Variants in PYGO1 observed in about 807,000 individuals in gnomAD.
PYGO1 encodes the protein pygopus family PHD finger 1.
PYGO1 carries 6 observed loss-of-function variants against 29.5 expected under a neutral mutation model. That is an observed-to-expected ratio of 0.20 (90% CI 0.11 to 0.40). The LOEUF (loss-of-function observed/expected upper bound fraction) is 0.40, where lower values mean the gene tolerates loss of function less well. Among genes scored for constraint, PYGO1 ranks in the 10% least tolerant of loss-of-function variants. The probability of loss-of-function intolerance (pLI) is 1.00; values close to 1 mark genes in which losing one functional copy is unlikely to be tolerated. For missense variants in PYGO1, 515 were observed against 514.9 expected (o/e 1.00, Z 0.00); for synonymous variants, 186 against 180.5 (o/e 1.03, Z -0.24).
chr15:55,583,954 C>G (rs890466450), intron 1 of PYGO1, among the ~76,000 whole-genome samples: 2 of 152,210 alleles, frequency 1.3e-5, no homozygotes, highest in African/African-American at 4.8e-5. Flanking sequence ...ACACTCACTA[C>G]TTCTTAGAAT....
rs1402695768 is a variant in PYGO1 at position 55,539,484 on chromosome 15, T to C, written c.*6539A>G. 11 of 152,124 alleles carry C rather than the reference T, an allele frequency of 7.2e-5. No homozygotes were observed. Among genetic ancestry groups the C allele is most frequent in the Admixed American group, 5.2e-4 (8 of 15,278 alleles). 9.4% of individuals were successfully genotyped at this position (152,124 alleles called of 1,614,324 possible). ...GGTAATCTAGTCATTTCATACTTTA[T>C]TTAAATTTTTCCACAAAGCAGTTCA... On this transcript the variant is annotated 3_prime_UTR_variant, in exon 3 of 3. Transcript: ENST00000563719.
Position 55,541,234 on chromosome 15 carries a change from C to A in PYGO1, c.*4789G>T, listed in dbSNP as rs1479861520. 1 of 152,202 alleles carries A rather than the reference C, an allele frequency of 6.6e-6. No individual in the cohort carries two copies. The highest frequency in any genetic ancestry group is 1.5e-5 in the Non-Finnish European group (1 of 68,048). The allele number at this position is 152,202 out of a possible 1,614,324, so 9.4% of individuals were successfully genotyped here. On this transcript the variant is annotated 3_prime_UTR_variant, in exon 3 of 3. Coordinates refer to ENST00000563719, the MANE Select transcript of PYGO1 (RefSeq NM_001367806.1). ...TGGGAGATGTTAATGCTATCCCTAG[C>A]CTCTTTGCTCCAGGGGTGCTTCCAA...
At position 55,565,554 on chromosome 15, in the gene PYGO1, T is replaced by G. The variant is rs181266616; in HGVS notation, c.50-16559A>C. On this transcript the variant is annotated intron_variant, in intron 1 of 2. Transcript: ENST00000563719. Reference sequence around the variant, plus strand: ...CCCCATCTCTACTAAAAATAAAAATTAAAAAAAAAAAATTAGCCAGGCTGG... The same window carrying G: ...CCCCATCTCTACTAAAAATAAAAATGAAAAAAAAAAAATTAGCCAGGCTGG... 3.8e-3 allele frequency among the ~76,000 whole-genome samples: 546 copies of G among 144,526 alleles called. 13 individuals carry two copies. The East Asian group carries it at 0.055, about 15-fold the overall frequency. The allele number at this position is 144,526 out of a possible 152,430, so 94.8% of individuals were successfully genotyped here.
In PYGO1 at chr15:55,542,461, AG is replaced by A. The variant is rs2058831803; in HGVS notation, c.*3561del. The A allele has an allele frequency of 6.6e-6, 1 of 152,240 alleles. No homozygotes were observed. 9.4% of individuals were successfully genotyped at this position (152,240 alleles called of 1,614,324 possible). ...AGTACTCTAAAGTATTTCACACAAA[AG>A]GAAAACACTGATCACAAATCTAATT... On this transcript the variant is annotated 3_prime_UTR_variant, in exon 3 of 3. Transcript: ENST00000563719.
rs1404293115 is a variant in PYGO1, at chr15:55,545,393, C to T, written c.*630G>A. On this transcript the variant is annotated 3_prime_UTR_variant, in exon 3 of 3. Transcript: ENST00000563719. The stretch of plus-strand genomic sequence containing the variant: ...ATTAGCAATTTCATGTGGTACCATC[C>T]ACAAGTTAATCAACAATACTTACTG... The T allele has an allele frequency of 6.6e-6, 1 of 152,112 alleles. No individual in the cohort carries two copies. The highest frequency in any genetic ancestry group is 1.9e-4 in the East Asian group (1 of 5,186). The allele number at this position is 152,112 out of a possible 1,614,324, so 9.4% of individuals were successfully genotyped here. A position where few individuals can be genotyped will look rare whatever the true frequency, so the allele number is the denominator to read the frequency against.
At chr15:55,554,273 G>A (rs2058893088) in intron 1 of PYGO1, among the ~76,000 whole-genome samples, 1 of 151,884 alleles carries the variant, frequency 6.6e-6, no homozygotes, top group Admixed American at 6.6e-5. Context: ...GACCATCCTG[G>A]CTAACATGGT....
At position 55,548,888 on chromosome 15, in the gene PYGO1, A is replaced by C. The variant is rs146806523; in HGVS notation, c.135+22T>G. On this transcript the variant is annotated intron_variant, in intron 2 of 2. Coordinates refer to ENST00000563719, the MANE Select transcript of PYGO1 (RefSeq NM_001367806.1). ...ACCATACTAGCAAAGAAAAACTTTT[A>C]TTAAAGAAAATGTCAGTTTACCTGT... 2.3e-4 allele frequency: 373 copies of C among 1,600,202 alleles called. No individual in the cohort carries two copies. The African/African-American group carries it at 4.4e-3, about 19-fold the overall frequency.
intron 1 of PYGO1, among the ~76,000 whole-genome samples, chr15:55,570,679 A>G (rs1318820156): frequency 1.3e-5 from 2 of 152,148 alleles, no homozygotes; most frequent in African/African-American, 4.8e-5. Flanking sequence ...CATACCCTGT[A>G]CCCAGTTTCC....
intron 1 of PYGO1, among the ~76,000 whole-genome samples, chr15:55,549,817 T>C (rs2058870774): frequency 6.6e-6 from 1 of 152,182 alleles, no homozygotes; most frequent in South Asian, 2.1e-4. Context: ...TTATGGAGAA[T>C]TCTGAACATA....
chr15:55,549,994 A>G (rs912342498), intron 1 of PYGO1, among the ~76,000 whole-genome samples: 2 of 152,186 alleles, frequency 1.3e-5, no homozygotes, highest in Non-Finnish European at 2.9e-5. Context: ...TTCAGAATGT[A>G]TTTCTAAAAA....
intron 1 of PYGO1, among the ~76,000 whole-genome samples, chr15:55,578,051 A>C (rs982365956): frequency 6.6e-6 from 1 of 152,190 alleles, no homozygotes; most frequent in Non-Finnish European, 1.5e-5. Flanking sequence ...TTCTATTTAT[A>C]ATATGCCTAT....
chr15:55,588,500 C>T (rs1445939130), upstream of PYGO1, among the ~76,000 whole-genome samples: 1 of 147,232 alleles, frequency 6.8e-6, no homozygotes, highest in Non-Finnish European at 1.5e-5. Context: ...CGGCGCCTCC[C>T]GCCACCGCCG....
chr15:55,552,995 C>G (rs1345764023), intron 1 of PYGO1, among the ~76,000 whole-genome samples: 2 of 152,166 alleles, frequency 1.3e-5, no homozygotes, highest in Non-Finnish European at 2.9e-5. Context: ...TGAGACAGAG[C>G]AAGTTCCTGG....
intron 1 of PYGO1, among the ~76,000 whole-genome samples, chr15:55,572,916 T>C (rs574184861): frequency 6.6e-6 from 1 of 151,612 alleles, no homozygotes; most frequent in South Asian, 2.1e-4. Flanking sequence ...CTAATGTCTG[T>C]AATCCCAGCA....
chr15:55,588,775 G>A (rs747145375), upstream of PYGO1: 4 of 1,610,056 alleles, frequency 2.5e-6, no homozygotes, highest in Admixed American at 1.7e-5. Context: ...TCTCGGCCTC[G>A]CAGCTAGGGA....
chr15:55,583,559 T>C (rs1004265193), intron 1 of PYGO1, among the ~76,000 whole-genome samples: 3 of 152,126 alleles, frequency 2.0e-5, no homozygotes, highest in Non-Finnish European at 2.9e-5. Context: ...CTCTGTCACC[T>C]AGGCTGGAGT....
intron 1 of PYGO1, among the ~76,000 whole-genome samples, chr15:55,577,623 G>A (rs1258227613): frequency 6.6e-6 from 1 of 150,454 alleles, no homozygotes; most frequent in East Asian, 2.0e-4. Flanking sequence ...TGTTTTAAGT[G>A]TATAGTCGGT....
chr15:55,554,279 A>G (rs1297093862), intron 1 of PYGO1, among the ~76,000 whole-genome samples: 1 of 151,968 alleles, frequency 6.6e-6, no homozygotes, highest in African/African-American at 2.4e-5. Flanking sequence ...CCTGGCTAAC[A>G]TGGTGAAACC....
chr15:55,556,856 A>C (rs1379975070), intron 1 of PYGO1, among the ~76,000 whole-genome samples: 1 of 152,134 alleles, frequency 6.6e-6, no homozygotes, highest in Non-Finnish European at 1.5e-5. Context: ...TCACCAGAGA[A>C]TATTATAAGC....
Sources: gnomAD v4.1 joint callset for allele counts (sites outside exome capture counted in the v4.1 genomes callset) on GRCh38, gnomAD v4.1.1 for gene constraint, MANE v1.5 for transcripts, NCBI Gene and HGNC (gene_info 2026-07-23, HGNC 2026-07-21) for gene names.